SHANK2: variants seen among roughly 807,000 people sequenced by gnomAD.
SHANK2 encodes SH3 and multiple ankyrin repeat domains protein 2.
SHANK2 carries 43 observed loss-of-function variants against 133.7 expected under a neutral mutation model. The ratio of observed to expected loss-of-function variants is 0.32; its 90% CI spans 0.25 to 0.41. SHANK2 has a LOEUF of 0.41. Ranked by LOEUF, SHANK2 falls within the 10% of genes least tolerant of loss-of-function variation. SHANK2 has a pLI of 1.00. For missense variants in SHANK2, 1,994 were observed against 2,235.8 expected (o/e 0.89, Z 2.18); for synonymous variants, 1,017 against 952.8 (o/e 1.07, Z -1.24).
chr11:71,074,887 C>T, intron 9 of SHANK2, among the ~76,000 whole-genome samples: 1 of 149,652 alleles, frequency 6.7e-6, no homozygotes, highest in Middle Eastern at 3.5e-3. Flanking sequence ...TCACGCCATT[C>T]TCCTGCCTCA....
chr11:71,207,960 A>G (rs1268061193), intron 2 of SHANK2, among the ~76,000 whole-genome samples: 2 of 151,914 alleles, frequency 1.3e-5, no homozygotes, highest in African/African-American at 4.8e-5. Flanking sequence ...AACAAATTCC[A>G]CTGCAAAAAA....
chr11:70,682,051 G>GTA (rs146741040), intron 15 of SHANK2, among the ~76,000 whole-genome samples: 8,554 of 152,198 alleles, frequency 0.056, 323 homozygotes, highest in Middle Eastern at 0.11. Flanking sequence ...CTGGAGAAGA[G>GTA]TATAAGGCAG....
At chr11:70,818,906 C>G (rs1281300642) in intron 12 of SHANK2, among the ~76,000 whole-genome samples, 1 of 152,234 alleles carries the variant, frequency 6.6e-6, no homozygotes, top group African/African-American at 2.4e-5. Flanking sequence ...CCTGGGACCA[C>G]GTGAGGCACT....
intron 11 of SHANK2, among the ~76,000 whole-genome samples, chr11:70,831,562 A>G (rs1948726112): frequency 6.6e-6 from 1 of 151,938 alleles, no homozygotes; most frequent in Admixed American, 6.6e-5. Flanking sequence ...CATACACTGC[A>G]CCACCCCCTC....
intron 17 of SHANK2, among the ~76,000 whole-genome samples, chr11:70,636,254 C>T (rs142192218): frequency 6.4e-4 from 97 of 152,190 alleles, no homozygotes; most frequent in Admixed American, 3.8e-3. Flanking sequence ...TATGAGCATG[C>T]GTGTATGCGA....
At chr11:70,798,304 A>C in intron 14 of SHANK2, 139 bp downstream of exon 14, 1 of 660,238 alleles carries the variant, frequency 1.5e-6, no homozygotes, top group Non-Finnish European at 2.8e-6. Flanking sequence ...CCTGTTTCCA[A>C]AGATCTAGAA....
At chr11:70,630,785 G>A (rs2060974473) in intron 17 of SHANK2, among the ~76,000 whole-genome samples, 1 of 152,134 alleles carries the variant, frequency 6.6e-6, no homozygotes, top group Admixed American at 6.5e-5. Context: ...CCTTGACATT[G>A]GTCTCTGCCT....
intron 17 of SHANK2, among the ~76,000 whole-genome samples, chr11:70,539,483 A>AGCTCACTCGCCACGCTCACCAC (rs1385860742): frequency 6.6e-4 from 97 of 147,254 alleles, no homozygotes; most frequent in African/African-American, 1.7e-3. Flanking sequence ...GCACACAGAA[A>AGCTCACTCGCCACGCTCACCAC]GCTCACTCGC....
intron 25 of SHANK2, chr11:70,474,045 A>G: frequency 5.5e-6 from 1 of 183,102 alleles, no homozygotes; most frequent in Non-Finnish European, 1.2e-5. Flanking sequence ...AGTAACTGGA[A>G]CCCCTGTAGC....
chr11:70,900,603 C>CTTAA (rs200881360), intron 10 of SHANK2, among the ~76,000 whole-genome samples: 2,619 of 152,276 alleles, frequency 0.017, 26 homozygotes, highest in Middle Eastern at 0.044. Context: ...GCCCTAGGAG[C>CTTAA]TTAAGCCCAG....
intron 3 of SHANK2, among the ~76,000 whole-genome samples, chr11:71,131,133 C>T (rs1378363401): frequency 6.6e-6 from 1 of 152,232 alleles, no homozygotes; most frequent in Non-Finnish European, 1.5e-5. Flanking sequence ...ACACCTCCAA[C>T]AAATAACCAA....
At chr11:70,537,303 G>A (rs868969505) in intron 17 of SHANK2, among the ~76,000 whole-genome samples, 6 of 152,200 alleles carry the variant, frequency 3.9e-5, no homozygotes, top group African/African-American at 9.6e-5. Flanking sequence ...CCTAGTCCCC[G>A]GAACCTGTGA....
At chr11:71,084,435 G>C (rs899606922) in intron 8 of SHANK2, among the ~76,000 whole-genome samples, 516 of 152,312 alleles carry the variant, frequency 3.4e-3, no homozygotes, top group Admixed American at 5.0e-3. Flanking sequence ...TGATGGGAAA[G>C]CAGCGGCCTG....
intron 13 of SHANK2, among the ~76,000 whole-genome samples, chr11:70,799,750 G>A (rs782345619): frequency 1.3e-5 from 2 of 152,218 alleles, no homozygotes; most frequent in Non-Finnish European, 2.9e-5. Flanking sequence ...CAGCCTACAG[G>A]GTGGAAGTTG....
chr11:70,761,148 A>C (rs530250444), intron 14 of SHANK2, among the ~76,000 whole-genome samples: 29 of 152,282 alleles, frequency 1.9e-4, no homozygotes, highest in Middle Eastern at 3.4e-3. Context: ...CCACAAATTC[A>C]AATGTTGAAA....
intron 17 of SHANK2, among the ~76,000 whole-genome samples, chr11:70,606,444 T>TG (rs201295950): frequency 6.1e-5 from 6 of 98,950 alleles, no homozygotes; most frequent in Admixed American, 1.6e-4. Flanking sequence ...GACCCGGGGG[T>TG]GGGGGGGTGT....
At chr11:71,112,703 C>T (rs1555099573) in intron 5 of SHANK2, among the ~76,000 whole-genome samples, 2 of 152,192 alleles carry the variant, frequency 1.3e-5, no homozygotes, top group Non-Finnish European at 2.9e-5. Flanking sequence ...GCTCCGCCCA[C>T]ACACCCTATG....
chr11:70,481,117 T>C (rs1555151433), intron 25 of SHANK2, among the ~76,000 whole-genome samples: 1 of 152,228 alleles, frequency 6.6e-6, no homozygotes, highest in East Asian at 1.9e-4. Flanking sequence ...GGCCAGGTGG[T>C]CCTGGAACAC....
At chr11:70,533,566 C>T (rs1184570957) in intron 17 of SHANK2, among the ~76,000 whole-genome samples, 1 of 152,218 alleles carries the variant, frequency 6.6e-6, no homozygotes, top group East Asian at 1.9e-4. Context: ...CCCTCTGCCG[C>T]AGCCATGCTG....
Sources: allele counts gnomAD v4.1 joint callset (sites outside exome capture counted in the v4.1 genomes callset), GRCh38; gene constraint gnomAD v4.1.1; transcripts MANE v1.5; gene names NCBI Gene and HGNC (gene_info 2026-07-23, HGNC 2026-07-21).